The following FAXC variants were observed in gnomAD, a reference collection of about 807,000 sequenced individuals.
FAXC encodes failed axon connections homolog, metaxin like GST domain containing, also known as failed axon connections homolog.
Under a neutral mutation model 41.9 loss-of-function variants are expected in FAXC, and 10 were observed. The ratio of observed to expected loss-of-function variants is 0.24; its 90% CI spans 0.15 to 0.41. The LOEUF is 0.41. Ranked by LOEUF, FAXC falls within the 10% of genes least tolerant of loss-of-function variation. The probability of loss-of-function intolerance (pLI) is 1.00; values close to 1 mark genes in which losing one functional copy is unlikely to be tolerated. For synonymous variants in FAXC, 183 were observed against 183.8 expected (o/e 1.00, Z 0.03); for missense variants, 399 against 510.9 (o/e 0.78, Z 2.11).
rs1771189861 is a variant in FAXC at position 99,290,283 on chromosome 6, C to T, written c.940+1421G>A. On this transcript the variant is annotated intron_variant, in intron 5 of 5. Transcript: ENST00000389677. ...TGTTCATCCCCTAGCACTGGTTCTA[C>T]GTATCCTTGCTCCTTAGCTTCCCCT... is the stretch of plus-strand genomic sequence containing the variant. Among the ~76,000 whole-genome samples, 4 of 152,114 alleles carry T rather than the reference C, an allele frequency of 2.6e-5. No homozygotes were observed. The South Asian group carries it at 8.3e-4, about 31-fold the overall frequency.
chr6:99,309,912 T>C (rs1772093078), intron 4 of FAXC: 1 of 984,730 alleles, frequency 1.0e-6, no homozygotes, highest in African/African-American at 1.7e-5. Flanking sequence ...GCATGTGACA[T>C]TAACAAACCA....
intron 1 of FAXC, among the ~76,000 whole-genome samples, chr6:99,344,707 A>G (rs1387149811): frequency 1.3e-5 from 2 of 152,236 alleles, no homozygotes; most frequent in Non-Finnish European, 2.9e-5. Flanking sequence ...ACAATGTTCC[A>G]AGACAGCACA....
At chr6:99,336,903 T>C (rs192563838) in intron 2 of FAXC, among the ~76,000 whole-genome samples, 111 of 152,302 alleles carry the variant, frequency 7.3e-4, no homozygotes, top group African/African-American at 2.6e-3. Flanking sequence ...CAGGTAAATA[T>C]CTATCTATTA....
rs771304167 is a variant in FAXC at position 99,349,307 on chromosome 6, G to C, written c.66C>G (p.Ser22Arg). 6 of 1,613,274 alleles carry C rather than the reference G, an allele frequency of 3.7e-6. No homozygotes were observed. The South Asian group carries it at 5.5e-5, about 15-fold the overall frequency. The change falls in exon 1 of 6, where the codon AGC becomes AGG. Residue 22 changes from serine to arginine, a missense_variant. Physicochemically the swap from Ser to Arg is moderately radical, Grantham distance 110. This residue lies in a region of FAXC where 68 missense variants were observed against 63.4 expected (regional missense o/e 1.07). Coordinates refer to ENST00000389677, the MANE Select transcript of FAXC (RefSeq NM_032511.4). ...CGGCCCACCAGCCGAAGAAGGAGAT[G>C]CTCTGGTTCCAGCTCAGATCCACCA... ...PCVVDLSWNQ[S>R]ISFFGWWAGS...
rs1300900956 is a variant in FAXC, at chr6:99,277,069, CAGG to C, written c.*4092_*4094del. ...CAGTGGAGCAGAGAATAGAACATTT[CAGG>C]AGAAGGACTGGCATGAGCAGAGGCA... On this transcript the variant is annotated 3_prime_UTR_variant, in exon 6 of 6. Transcript: ENST00000389677. 1 of 152,340 alleles carries C rather than the reference CAGG, an allele frequency of 6.6e-6. No individual in the cohort carries two copies. Among genetic ancestry groups the C allele is most frequent in the Non-Finnish European group, 1.5e-5 (1 of 68,150 alleles). 9.4% of individuals were successfully genotyped at this position (152,340 alleles called of 1,614,324 possible).
chr6:99,278,614 A>G lies in FAXC; in HGVS notation c.*2550T>C, dbSNP rs1770713379. The G allele has an allele frequency of 6.6e-6, 1 of 152,210 alleles. No homozygotes were observed. Among genetic ancestry groups the G allele is most frequent in the African/African-American group, 2.4e-5 (1 of 41,464 alleles). 9.4% of individuals were successfully genotyped at this position (152,210 alleles called of 1,614,324 possible). The stretch of plus-strand genomic sequence containing the variant: ...ATCCTTCCGGATAAAGACTCACACT[A>G]TGGTGACTTTGTCTTGGTTATTTTG... On this transcript the variant is annotated 3_prime_UTR_variant, in exon 6 of 6. Coordinates refer to ENST00000389677, the MANE Select transcript of FAXC (RefSeq NM_032511.4).
chr6:99,336,013 T>C (rs2128463534), intron 2 of FAXC, among the ~76,000 whole-genome samples: 1 of 152,256 alleles, frequency 6.6e-6, no homozygotes, highest in South Asian at 2.1e-4. Flanking sequence ...AGACTATAGG[T>C]GAGATGCCGG....
Position 99,349,255 on chromosome 6 carries a change from C to T in FAXC, c.118G>A (p.Gly40Arg), listed in dbSNP as rs1385627218. Reference sequence around the variant, plus strand: ...TGCAAAGGGAAAGCGATGATGTCCCCATAAAAGGAGAAGGGCTCCTCGGAC... The same window carrying T: ...TGCAAAGGGAAAGCGATGATGTCCCTATAAAAGGAGAAGGGCTCCTCGGAC... ...AGSEEPFSFY[G>R]DIIAFPLQDY... Residue 40 changes from glycine to arginine, a missense_variant, in exon 1 of 6, where the codon GGG becomes AGG. Physicochemically the swap from Gly to Arg is moderately radical, Grantham distance 125. This residue lies in a region of FAXC where 68 missense variants were observed against 63.4 expected (regional missense o/e 1.07). Coordinates refer to ENST00000389677, the MANE Select transcript of FAXC (RefSeq NM_032511.4). 2 of 1,613,752 alleles carry T rather than the reference C, an allele frequency of 1.2e-6. No homozygotes were observed. Among genetic ancestry groups the T allele is most frequent in the African/African-American group, 2.7e-5 (2 of 74,948 alleles).
chr6:99,283,575 T>C (rs1770911517), intron 5 of FAXC, among the ~76,000 whole-genome samples: 2 of 152,120 alleles, frequency 1.3e-5, no homozygotes, highest in South Asian at 2.1e-4. Flanking sequence ...TCTGTGCACA[T>C]GCTCAGGAGC....
At chr6:99,336,303 A>G (rs910985126) in intron 2 of FAXC, among the ~76,000 whole-genome samples, 1 of 151,990 alleles carries the variant, frequency 6.6e-6, no homozygotes, top group African/African-American at 2.4e-5. Flanking sequence ...CAAAATTGAG[A>G]CAGGGTCTCG....
chr6:99,288,000 C>T (rs1391481630), intron 5 of FAXC, among the ~76,000 whole-genome samples: 1 of 152,132 alleles, frequency 6.6e-6, no homozygotes, highest in African/African-American at 2.4e-5. Flanking sequence ...TGCCAAAAGC[C>T]CCGTGCAGAT....
intron 5 of FAXC, among the ~76,000 whole-genome samples, chr6:99,285,487 G>C (rs963959014): frequency 6.6e-6 from 1 of 152,066 alleles, no homozygotes; most frequent in African/African-American, 2.4e-5. Flanking sequence ...GAAACACCTA[G>C]ATATGCTATG....
chr6:99,336,710 C>G (rs1160481599), intron 2 of FAXC, among the ~76,000 whole-genome samples: 3 of 152,106 alleles, frequency 2.0e-5, no homozygotes, highest in Non-Finnish European at 4.4e-5. Context: ...CTGGGTCTCC[C>G]TTAACCCTCC....
intron 5 of FAXC, among the ~76,000 whole-genome samples, chr6:99,286,173 C>G (rs887027189): frequency 1.3e-5 from 2 of 152,242 alleles, no homozygotes; most frequent in African/African-American, 4.8e-5. Flanking sequence ...CTTTTAGCAT[C>G]TGTCATGCAG....
In FAXC at chr6:99,281,228, C is replaced by A; in HGVS notation, c.1166G>T (p.Gly389Val). The A allele has an allele frequency of 1.9e-6, 3 of 1,608,202 alleles. No individual in the cohort carries two copies. The highest frequency in any genetic ancestry group is 2.6e-6 in the Non-Finnish European group (3 of 1,174,592). Residue 389 changes from glycine to valine, a missense_variant, in exon 6 of 6, where the codon GGA (glycine) becomes GTA (valine). Coordinates refer to ENST00000389677, the MANE Select transcript of FAXC (RefSeq NM_032511.4). ...CACATCCGAATCAAAGAGTGAGTGT[C>A]CAGTAAAATCTGTGTCTGGGGTTCT... Reference protein sequence around the residue: ...FSRTPDTDFTGHSLFDSDVDM... With the variant: ...FSRTPDTDFTVHSLFDSDVDM...
Position 99,278,709 on chromosome 6 carries a change from C to A in FAXC, c.*2455G>T, listed in dbSNP as rs959913272. ...GGGCTCTAAATCAAATTAACACCTA[C>A]AAAATGTTGATGCCCAGTTATATGC... On this transcript the variant is annotated 3_prime_UTR_variant, in exon 6 of 6. Transcript: ENST00000389677. 3.9e-5 allele frequency: 6 copies of A among 152,164 alleles called. No homozygotes were observed. The highest frequency in any genetic ancestry group is 3.3e-4 in the Admixed American group (5 of 15,278). 9.4% of individuals were successfully genotyped at this position (152,164 alleles called of 1,614,324 possible). A position where few individuals can be genotyped will look rare whatever the true frequency, so the allele number is the denominator to read the frequency against.
At chr6:99,284,218 T>C (rs749003824) in intron 5 of FAXC, 1 of 152,184 alleles carries the variant, frequency 6.6e-6, no homozygotes, top group Non-Finnish European at 1.5e-5. Flanking sequence ...CTACCTGTCA[T>C]GGAATATTTT....
At chr6:99,296,280 AG>A (rs1046087202) in intron 4 of FAXC, among the ~76,000 whole-genome samples, 5 of 21,790 alleles carry the variant, frequency 2.3e-4, no homozygotes, top group South Asian at 2.1e-3. Flanking sequence ...TCTCACGACC[AG>A]GGGGTTTTGG....
chr6:99,315,175 G>T (rs946292074), intron 4 of FAXC, among the ~76,000 whole-genome samples: 1 of 135,342 alleles, frequency 7.4e-6, no homozygotes, highest in Admixed American at 8.2e-5. Context: ...GGAGACTACA[G>T]TGAGCTGAGA....
Sources: gnomAD v4.1 joint callset for allele counts (sites outside exome capture counted in the v4.1 genomes callset) on GRCh38, gnomAD v4.1.1 for gene constraint, gnomAD v4.1.1 regional missense constraint, MANE v1.5 for transcripts, NCBI Gene and HGNC (gene_info 2026-07-23, HGNC 2026-07-21) for gene names.